ASXL2: variants seen among roughly 807,000 people sequenced by gnomAD.
ASXL2 encodes the protein putative Polycomb group protein ASXL2.
A neutral mutation model predicts 122.0 loss-of-function variants in ASXL2; 23 were observed. That is an observed-to-expected ratio of 0.19 (90% confidence interval 0.14 to 0.27). ASXL2 has a LOEUF of 0.27. ASXL2 is among the 10% of genes least tolerant of loss of function. ASXL2 has a pLI of 1.00. For missense variants in ASXL2, 1,518 were observed against 1,713.8 expected, an observed-to-expected ratio of 0.89 and a Z score of 2.02; for synonymous variants, 650 against 637.0, an observed-to-expected ratio of 1.02 and a Z score of -0.31.
chr2:25,784,900 G>C (rs145381409), intron 5 of ASXL2, among the ~76,000 whole-genome samples: 1 of 152,326 alleles, frequency 6.6e-6, no homozygotes, highest in East Asian at 1.9e-4. Flanking sequence ...TTTTGAAGGG[G>C]ACACAATTTG....
intron 1 of ASXL2, among the ~76,000 whole-genome samples, chr2:25,863,368 C>T (rs1263295297): frequency 6.7e-6 from 1 of 149,132 alleles, no homozygotes; most frequent in Non-Finnish European, 1.5e-5. Context: ...AAGTAATTAA[C>T]TTATCCGGAC....
chr2:25,875,321 A>G (rs2090001526), intron 1 of ASXL2, among the ~76,000 whole-genome samples: 1 of 152,076 alleles, frequency 6.6e-6, no homozygotes, highest in African/African-American at 2.4e-5. Context: ...ATAATTATGA[A>G]GCCAAGCACA....
chr2:25,749,968 T>C lies in ASXL2; in HGVS notation c.1588A>G (p.Ser530Gly). The C allele has an allele frequency of 6.2e-7, 1 of 1,613,994 alleles. No individual in the cohort carries two copies. Among genetic ancestry groups the C allele is most frequent in the Non-Finnish European group, 8.5e-7 (1 of 1,179,892 alleles). The change falls in exon 12 of 13, where the codon AGT becomes GGT. Residue 530 changes from serine to glycine, a missense_variant. Physicochemically the swap from Ser to Gly is moderately conservative, Grantham distance 56. Coordinates refer to ENST00000435504, the MANE Select transcript of ASXL2 (RefSeq NM_018263.6). ...SLVTSPSKPKSPGVEKPIVKP... is the reference protein window; with the variant it reads ...SLVTSPSKPKGPGVEKPIVKP... ...ACTATTGGTTTTTCAACCCCAGGACTCTTGGGTTTGCTTGGCGATGTAACT... is the reference window on the plus strand; with the variant it reads ...ACTATTGGTTTTTCAACCCCAGGACCCTTGGGTTTGCTTGGCGATGTAACT...
chr2:25,794,000 C>T (rs889482280), intron 5 of ASXL2, among the ~76,000 whole-genome samples: 14 of 152,202 alleles, frequency 9.2e-5, no homozygotes, highest in African/African-American at 3.4e-4. Context: ...CTAAAGGTCT[C>T]TCTCCATCTA....
chr2:25,873,793 CCT>C (rs2089985581), intron 1 of ASXL2, among the ~76,000 whole-genome samples: 1 of 151,904 alleles, frequency 6.6e-6, no homozygotes, highest in Admixed American at 6.6e-5. Context: ...ACCCAATGTC[CCT>C]TAAGTGTATA....
rs1381935678 is a variant in ASXL2 at position 25,869,180 on chromosome 2, A to G, written c.57+8986T>C. ...GACCTCATCTCAAAAAAAAAAAAAA[A>G]TTAGCCAGGCATGGTGGCATGTGCC... On this transcript the variant is annotated intron_variant, in intron 1 of 12. Coordinates refer to ENST00000435504, the MANE Select transcript of ASXL2 (RefSeq NM_018263.6). 2.0e-5 allele frequency among the ~76,000 whole-genome samples: 3 copies of G among 151,612 alleles called. No individual in the cohort carries two copies. In the East Asian group the frequency reaches 5.8e-4, roughly 29 times the overall value.
chr2:25,810,172 G>T (rs1214208486), intron 3 of ASXL2: 4 of 572,542 alleles, frequency 7.0e-6, no homozygotes, highest in Non-Finnish European at 1.4e-5. Flanking sequence ...TTCAGGTTAT[G>T]GTCCATCAGT....
intron 12 of ASXL2, among the ~76,000 whole-genome samples, chr2:25,746,883 CTTTTCT>C (rs1488616983): frequency 2.8e-4 from 42 of 152,214 alleles, no homozygotes; most frequent in Admixed American, 6.5e-5. Context: ...AGATTCAATC[CTTTTCT>C]TTTTAAGTGT....
intron 3 of ASXL2, among the ~76,000 whole-genome samples, chr2:25,815,357 T>C (rs1043174453): frequency 1.4e-4 from 21 of 152,010 alleles, no homozygotes; most frequent in African/African-American, 4.8e-4. Context: ...TCTGACTACT[T>C]GGCCCAACAC....
intron 3 of ASXL2, chr2:25,810,634 T>C: frequency 1.3e-6 from 1 of 787,090 alleles, no homozygotes; most frequent in South Asian, 1.4e-5. Context: ...CTTCACTGCC[T>C]CAATAGTGGT....
In ASXL2 at chr2:25,859,308, CT is replaced by C. The variant is rs1461078578; in HGVS notation, c.58-13746del. Among the ~76,000 whole-genome samples the C allele has an allele frequency of 2.8e-3, 425 of 152,252 alleles. 1 individual carries two copies. The highest frequency in any genetic ancestry group is 9.6e-3 in the African/African-American group (399 of 41,542). ...TATATTTAATTACTTATATTTTATA[CT>C]TTTCTAACCATTTAAGGCAATATTA... On this transcript the variant is annotated intron_variant, in intron 1 of 12. Coordinates refer to ENST00000435504, the MANE Select transcript of ASXL2 (RefSeq NM_018263.6).
chr2:25,840,156 TTTATAG>T (rs899156926), intron 2 of ASXL2, among the ~76,000 whole-genome samples: 25 of 152,220 alleles, frequency 1.6e-4, no homozygotes, highest in Admixed American at 1.4e-3. Context: ...GCTGCTATGC[TTTATAG>T]TTATAAACAG....
rs1188566514 is a variant in ASXL2 at position 25,737,712 on chromosome 2, T to C, written c.*4317A>G. ...ATTTTCACTTTTAATGATCTTTTAC[T>C]TAATAATAAAATGAAAAATAAGAAT... On this transcript the variant is annotated 3_prime_UTR_variant, in exon 13 of 13. Transcript: ENST00000435504. 6.6e-6 allele frequency: 1 copy of C among 152,194 alleles called. No individual in the cohort carries two copies. The highest frequency in any genetic ancestry group is 1.5e-5 in the Non-Finnish European group (1 of 68,042). The allele number at this position is 152,194 out of a possible 1,614,324, so 9.4% of individuals were successfully genotyped here.
chr2:25,744,578 C>T lies in ASXL2; in HGVS notation c.1861-102G>A. The stretch of plus-strand genomic sequence containing the variant: ...ACATTTTAAAAACAGATGAACACTA[C>T]AGTACCTGTGACAAACATGGGTGGT... On this transcript the variant is annotated intron_variant, in intron 12 of 12. Coordinates refer to ENST00000435504, the MANE Select transcript of ASXL2 (RefSeq NM_018263.6). This position sits in a 1 kb window ranked among gnomAD's most constrained non-coding sequence, Gnocchi z 4.7. 4 of 1,293,794 alleles carry T rather than the reference C, an allele frequency of 3.1e-6. No homozygotes were observed. Among genetic ancestry groups the T allele is most frequent in the Admixed American group, 2.7e-5 (1 of 36,822 alleles). 80.1% of individuals were successfully genotyped at this position (1,293,794 alleles called of 1,614,324 possible).
chr2:25,868,716 T>G (rs1397894279), intron 1 of ASXL2, among the ~76,000 whole-genome samples: 1 of 152,230 alleles, frequency 6.6e-6, no homozygotes, highest in Non-Finnish European at 1.5e-5. Context: ...ACTAGCTTTA[T>G]GCAAATCATC....
chr2:25,752,467 G>A (rs895039133), intron 11 of ASXL2, among the ~76,000 whole-genome samples: 1 of 152,146 alleles, frequency 6.6e-6, no homozygotes, highest in Admixed American at 6.5e-5. Context: ...GGTTCTAATA[G>A]TCCACATTAC....
Position 25,742,598 on chromosome 2 carries a change from TCTCCTTACTTAA to T in ASXL2, c.3727_3738del (p.Leu1243_Glu1246del). ...GTTTGGCCTCTAGTGAACAGGTAATTCTCCTTACTTAAAGTGGTTTGCTCATTCAATGGTATC... is the reference window on the plus strand; with the variant it reads ...GTTTGGCCTCTAGTGAACAGGTAATTAGTGGTTTGCTCATTCAATGGTATC... On this transcript the variant is annotated inframe_deletion, in exon 13 of 13. Transcript: ENST00000435504. The T allele has an allele frequency of 1.2e-6, 2 of 1,613,966 alleles. No individual in the cohort carries two copies.
At position 25,799,549 on chromosome 2, in the gene ASXL2, C is replaced by A; in HGVS notation, c.253-14G>T. 2 of 1,606,390 alleles carry A rather than the reference C, an allele frequency of 1.2e-6. No individual in the cohort carries two copies. The highest frequency in any genetic ancestry group is 1.7e-6 in the Non-Finnish European group (2 of 1,176,754). The stretch of plus-strand genomic sequence containing the variant: ...CGGCACATCTTTCTGAAAATGTAGG[C>A]ATCCAATTAGGATTAATCATTACCA... On this transcript the variant is annotated splice_polypyrimidine_tract_variant and intron_variant, in intron 4 of 12. Coordinates refer to ENST00000435504, the MANE Select transcript of ASXL2 (RefSeq NM_018263.6).
intron 10 of ASXL2, among the ~76,000 whole-genome samples, chr2:25,754,859 A>G (rs1392935518): frequency 6.6e-6 from 1 of 152,168 alleles, no homozygotes; most frequent in Non-Finnish European, 1.5e-5. Flanking sequence ...CTGCCCAAAA[A>G]TATCTGTAGG....
Sources: allele counts gnomAD v4.1 joint callset (sites outside exome capture counted in the v4.1 genomes callset), GRCh38; gene constraint gnomAD v4.1.1; non-coding constraint Gnocchi (gnomAD v3.1); transcripts MANE v1.5; gene names NCBI Gene and HGNC (gene_info 2026-07-23, HGNC 2026-07-21).